The following MBD2 variants were observed in gnomAD, a reference collection of about 807,000 sequenced individuals.
MBD2 encodes methyl-CpG binding domain protein 2.
Under a neutral mutation model 39.3 loss-of-function variants are expected in MBD2, and 9 were observed. That is an observed-to-expected ratio of 0.23 (90% CI 0.14 to 0.40). The LOEUF (loss-of-function observed/expected upper bound fraction) is 0.40. MBD2 is among the 10% of genes least tolerant of loss of function. MBD2 has a pLI of 1.00. For missense variants in MBD2, 458 were observed against 532.6 expected (o/e 0.86, Z 1.38); for synonymous variants, 233 against 211.1 (o/e 1.10, Z -0.90).
At chr18:54,161,278 T>C (rs1236206152) in intron 5 of MBD2, among the ~76,000 whole-genome samples, 2 of 152,242 alleles carry the variant, frequency 1.3e-5, no homozygotes, top group Non-Finnish European at 2.9e-5. Flanking sequence ...TTAAAAGGTA[T>C]AGACTTCCAC....
chr18:54,203,106 G>C (rs772664416), intron 2 of MBD2: 73 of 1,611,034 alleles, frequency 4.5e-5, no homozygotes, highest in Non-Finnish European at 5.7e-5. Flanking sequence ...AGCGCAGCTA[G>C]AGCAGAAAAG....
intron 1 of MBD2, among the ~76,000 whole-genome samples, chr18:54,207,587 T>G (rs1206768867): frequency 6.6e-6 from 1 of 152,226 alleles, no homozygotes; most frequent in African/African-American, 2.4e-5. Flanking sequence ...TAAATATTAT[T>G]GTTTATTTAA....
At chr18:54,195,531 C>T (rs1345827024) in intron 2 of MBD2, among the ~76,000 whole-genome samples, 1 of 151,974 alleles carries the variant, frequency 6.6e-6, no homozygotes, top group Non-Finnish European at 1.5e-5. Context: ...AGGTCAGTTT[C>T]CTCATCTGTA....
At chr18:54,186,888 T>C (rs567714631) in intron 3 of MBD2, among the ~76,000 whole-genome samples, 2 of 152,310 alleles carry the variant, frequency 1.3e-5, no homozygotes, top group South Asian at 2.1e-4. Flanking sequence ...ATGGAGGAGA[T>C]AGAACTTTGC....
chr18:54,176,868 C>T (rs2086215663), intron 3 of MBD2, among the ~76,000 whole-genome samples: 1 of 152,158 alleles, frequency 6.6e-6, no homozygotes, highest in Non-Finnish European at 1.5e-5. Flanking sequence ...AATGTGATCT[C>T]TCGTTAAGGC....
chr18:54,218,663 T>C (rs2086582698), intron 1 of MBD2, among the ~76,000 whole-genome samples: 1 of 152,310 alleles, frequency 6.6e-6, no homozygotes, highest in African/African-American at 2.4e-5. Context: ...CATAGGGTTA[T>C]AAGAATCCAG....
intron 1 of MBD2, among the ~76,000 whole-genome samples, chr18:54,218,260 A>G (rs2086578641): frequency 6.6e-6 from 1 of 152,188 alleles, no homozygotes; most frequent in Non-Finnish European, 1.5e-5. Context: ...ACTCAGAACA[A>G]TACTGCTTTA....
chr18:54,159,675 C>A, intron 6 of MBD2, 90 bp downstream of exon 6: 1 of 1,463,962 alleles, frequency 6.8e-7, no homozygotes, highest in Non-Finnish European at 9.3e-7. Context: ...GCCTCAGCCA[C>A]CCAAGTGCTG....
intron 3 of MBD2, among the ~76,000 whole-genome samples, chr18:54,184,100 T>C (rs776179998): frequency 5.3e-5 from 8 of 151,990 alleles, no homozygotes; most frequent in Non-Finnish European, 1.2e-4. Context: ...TAAAATAAAA[T>C]GCCCTTTTAA....
rs113697154 is a variant in MBD2 at position 54,218,605 on chromosome 18, C to T, written c.542+5413G>A. On this transcript the variant is annotated intron_variant, in intron 1 of 6. Coordinates refer to ENST00000256429, the MANE Select transcript of MBD2 (RefSeq NM_003927.5). ...CTGTACAACCCCAAGCACACTACTT[C>T]CCTTTGCTAACTCCCAATCTGTAAA... Among the ~76,000 whole-genome samples, 698 of 152,308 alleles carry T rather than the reference C, an allele frequency of 4.6e-3. 9 individuals carry two copies. The highest frequency in any genetic ancestry group is 0.016 in the African/African-American group (655 of 41,554).
intron 3 of MBD2, among the ~76,000 whole-genome samples, chr18:54,176,364 A>G (rs1273498480): frequency 6.6e-6 from 1 of 152,268 alleles, no homozygotes; most frequent in African/African-American, 2.4e-5. Context: ...AAATATGAGA[A>G]AGTTCTTTGA....
chr18:54,215,084 A>G (rs974495850), intron 1 of MBD2, among the ~76,000 whole-genome samples: 7 of 152,162 alleles, frequency 4.6e-5, no homozygotes, highest in Non-Finnish European at 1.0e-4. Flanking sequence ...TTGAGGAAAC[A>G]AAAGCTTACA....
rs754530679 is a variant in MBD2, at chr18:54,158,583, T to G, written c.*12+1182A>C. On this transcript the variant is annotated intron_variant, in intron 6 of 6. Transcript: ENST00000256429. ...AAGGTATGCCCATGGCACAGAGCCA[T>G]GAGCCTGGAATGTGAGTTTGAGATA... Among the ~76,000 whole-genome samples the G allele has an allele frequency of 2.6e-5, 4 of 152,186 alleles. No individual in the cohort carries two copies. The South Asian group carries it at 8.3e-4, about 32-fold the overall frequency.
chr18:54,193,315 A>G (rs563175957), intron 2 of MBD2, among the ~76,000 whole-genome samples: 10 of 152,222 alleles, frequency 6.6e-5, no homozygotes, highest in Non-Finnish European at 1.3e-4. Context: ...TATATCTTCA[A>G]TATAAGAAAA....
chr18:54,208,693 T>A (rs2144336747), intron 1 of MBD2, among the ~76,000 whole-genome samples: 1 of 152,340 alleles, frequency 6.6e-6, no homozygotes, highest in African/African-American at 2.4e-5. Context: ...GGAAGCTATT[T>A]ATGAGGGAAT....
chr18:54,198,190 G>T (rs2086380295), intron 2 of MBD2, among the ~76,000 whole-genome samples: 1 of 152,182 alleles, frequency 6.6e-6, no homozygotes, highest in African/African-American at 2.4e-5. Flanking sequence ...TGATGGTGGT[G>T]AACTGACCAT....
chr18:54,209,842 G>A (rs1306678115), intron 1 of MBD2, among the ~76,000 whole-genome samples: 1 of 152,178 alleles, frequency 6.6e-6, no homozygotes, highest in African/African-American at 2.4e-5. Flanking sequence ...TGTCACCTAA[G>A]TTCTAGTCTT....
chr18:54,186,383 G>A (rs2144308018), intron 3 of MBD2, among the ~76,000 whole-genome samples: 1 of 152,146 alleles, frequency 6.6e-6, no homozygotes, highest in African/African-American at 2.4e-5. Context: ...TAGCAAAATT[G>A]GAAGAATCAT....
At chr18:54,177,201 T>G (rs1379638194) in intron 3 of MBD2, among the ~76,000 whole-genome samples, 1 of 152,248 alleles carries the variant, frequency 6.6e-6, no homozygotes, top group East Asian at 1.9e-4. Context: ...TCACTACTTT[T>G]CACATATTTG....
Sources: allele counts gnomAD v4.1 joint callset (sites outside exome capture counted in the v4.1 genomes callset), GRCh38; gene constraint gnomAD v4.1.1; transcripts MANE v1.5; gene names NCBI Gene and HGNC (gene_info 2026-07-23, HGNC 2026-07-21).